EYA4: variants seen among roughly 807,000 people sequenced by gnomAD.
EYA4 encodes the protein protein phosphatase EYA4.
A neutral mutation model predicts 87.9 loss-of-function variants in EYA4; 31 were observed. That is an observed-to-expected ratio of 0.35 (90% CI 0.27 to 0.48). EYA4 has a LOEUF of 0.48. Ranked by LOEUF, EYA4 falls within the 20% of genes least tolerant of loss-of-function variation. The pLI is 0.99. For synonymous variants in EYA4, 263 were observed against 270.6 expected (o/e 0.97, Z 0.28); for missense variants, 678 against 761.4 (o/e 0.89, Z 1.29).
At chr6:133,304,527 A>T (rs1779660702) in intron 2 of EYA4, among the ~76,000 whole-genome samples, 1 of 152,184 alleles carries the variant, frequency 6.6e-6, no homozygotes, top group Admixed American at 6.5e-5. Flanking sequence ...ACAGATAAGG[A>T]TTCTCAAGCT....
intron 13 of EYA4, 89 bp downstream of exon 13, chr6:133,483,204 GTGT>G: frequency 2.0e-6 from 2 of 992,108 alleles, no homozygotes; most frequent in African/African-American, 3.2e-5. Context: ...ATTCTTTTAA[GTGT>G]TTTTTTATTG....
intron 3 of EYA4, among the ~76,000 whole-genome samples, chr6:133,421,736 A>G (rs1486752630): frequency 3.3e-5 from 5 of 152,232 alleles, no homozygotes; most frequent in African/African-American, 1.2e-4. Flanking sequence ...TGTTTTGCCT[A>G]TAAAACCATT....
intron 2 of EYA4, among the ~76,000 whole-genome samples, chr6:133,292,712 T>A (rs1778587348): frequency 6.6e-6 from 1 of 152,222 alleles, no homozygotes; most frequent in Non-Finnish European, 1.5e-5. Context: ...TTTAAAACAT[T>A]AAAGCATCTT....
chr6:133,371,583 ATTTTTT>A (rs1756289813), intron 2 of EYA4, among the ~76,000 whole-genome samples: 2 of 152,208 alleles, frequency 1.3e-5, no homozygotes, highest in Non-Finnish European at 2.9e-5. Context: ...AGAGAGGCCA[ATTTTTT>A]ATCTCTACTT....
At chr6:133,375,606 C>T (rs1192555023) in intron 2 of EYA4, among the ~76,000 whole-genome samples, 1 of 151,530 alleles carries the variant, frequency 6.6e-6, no homozygotes, top group Non-Finnish European at 1.5e-5. Flanking sequence ...TCTAGGGCAG[C>T]CCATTAAACC....
At chr6:133,355,943 T>A (rs1249857153) in intron 2 of EYA4, among the ~76,000 whole-genome samples, 1 of 152,066 alleles carries the variant, frequency 6.6e-6, no homozygotes, top group African/African-American at 2.4e-5. Context: ...CTCACAGGTC[T>A]GGAGATTGGG....
chr6:133,488,600 C>A (rs956345102), intron 13 of EYA4, among the ~76,000 whole-genome samples: 2 of 152,168 alleles, frequency 1.3e-5, no homozygotes, highest in African/African-American at 4.8e-5. Context: ...GAACAAAAGT[C>A]TCTGCCTGGT....
At chr6:133,392,292 A>G (rs901465174) in intron 3 of EYA4, among the ~76,000 whole-genome samples, 14 of 152,036 alleles carry the variant, frequency 9.2e-5, no homozygotes, top group Non-Finnish European at 1.9e-4. Flanking sequence ...AATGCCCTCA[A>G]TTTTGCCAAG....
At chr6:133,481,037 G>T (rs1457652792) in intron 11 of EYA4, among the ~76,000 whole-genome samples, 1 of 151,990 alleles carries the variant, frequency 6.6e-6, no homozygotes, top group African/African-American at 2.4e-5. Flanking sequence ...TGGAAGGGAA[G>T]ATGAGAGAGG....
chr6:133,287,671 T>C (rs1778172248), intron 2 of EYA4, among the ~76,000 whole-genome samples: 1 of 152,184 alleles, frequency 6.6e-6, no homozygotes, highest in South Asian at 2.1e-4. Context: ...CTTTCTAACC[T>C]GGACATAATG....
chr6:133,260,396 C>T (rs1424491342), intron 1 of EYA4, among the ~76,000 whole-genome samples: 3 of 152,138 alleles, frequency 2.0e-5, no homozygotes, highest in Non-Finnish European at 4.4e-5. Flanking sequence ...CACCACCATG[C>T]CCAGCTAACT....
At chr6:133,445,609 C>T (rs1484323999) in intron 3 of EYA4, among the ~76,000 whole-genome samples, 5 of 149,512 alleles carry the variant, frequency 3.3e-5, no homozygotes, top group African/African-American at 7.4e-5. Context: ...AACAGAGTCT[C>T]GCTCTGTCGC....
rs146647404 is a variant in EYA4, at chr6:133,501,387, C to T, written c.1192-4719C>T. Among the ~76,000 whole-genome samples, 185 of 151,938 alleles carry T rather than the reference C, an allele frequency of 1.2e-3. 1 individual carries two copies. Among genetic ancestry groups the T allele is most frequent in the African/African-American group, 4.1e-3 (171 of 41,462 alleles). On this transcript the variant is annotated intron_variant, in intron 13 of 19. Transcript: ENST00000355286. The stretch of plus-strand genomic sequence containing the variant: ...ATCTGCTCTCTGCTTGGAATTTGAA[C>T]GTGTCTAATACATAATTAGTCACTC...
rs1562487211 is a variant in EYA4 at position 133,495,484 on chromosome 6, A to ATACTCATTTATT, written c.1192-10620_1192-10619insCTCATTTATTTA. Among the ~76,000 whole-genome samples, 164 of 42,406 alleles carry ATACTCATTTATT rather than the reference A, an allele frequency of 3.9e-3. 1 individual carries two copies. Among genetic ancestry groups the ATACTCATTTATT allele is most frequent in the South Asian group, 5.4e-3 (13 of 2,388 alleles). The allele number at this position is 42,406 out of a possible 152,430, so 27.8% of individuals were successfully genotyped here. A position where few individuals can be genotyped will look rare whatever the true frequency, so the allele number is the denominator to read the frequency against. On this transcript the variant is annotated intron_variant, in intron 13 of 19. Coordinates refer to ENST00000355286, the MANE Select transcript of EYA4 (RefSeq NM_004100.5). ...TATTTATAAATAAATATAAAGAAAT[A>ATACTCATTTATT]TAGAAGAGAGAGGTAGGCAAGGGCT...
chr6:133,481,633 A>C (rs1221140069), intron 12 of EYA4, 34 bp downstream of exon 12: 1 of 1,608,412 alleles, frequency 6.2e-7, no homozygotes, highest in Non-Finnish European at 8.5e-7. Context: ...TTGTAGTGTG[A>C]TGCTTTATTT....
chr6:133,480,105 G>GGATCAC, intron 11 of EYA4, among the ~76,000 whole-genome samples: 1 of 149,746 alleles, frequency 6.7e-6, no homozygotes, highest in East Asian at 2.3e-4. Flanking sequence ...ATTGTGTGGA[G>GGATCAC]TGAAGACAGT....
intron 3 of EYA4, among the ~76,000 whole-genome samples, chr6:133,423,669 A>G (rs922762944): frequency 1.3e-5 from 2 of 152,212 alleles, no homozygotes; most frequent in Non-Finnish European, 2.9e-5. Context: ...ACAAGCAAGC[A>G]ACCATCAGCC....
chr6:133,405,386 T>C (rs537809918), intron 3 of EYA4, among the ~76,000 whole-genome samples: 3 of 152,302 alleles, frequency 2.0e-5, no homozygotes, highest in African/African-American at 7.2e-5. Context: ...GAATAACATA[T>C]TTATTTTGGT....
intron 2 of EYA4, among the ~76,000 whole-genome samples, chr6:133,355,790 A>G (rs1783971475): frequency 6.6e-6 from 1 of 152,358 alleles, no homozygotes; most frequent in Non-Finnish European, 1.5e-5. Context: ...ATCAATAAAA[A>G]TAAGAGGGCA....
Sources: allele counts gnomAD v4.1 joint callset (sites outside exome capture counted in the v4.1 genomes callset), GRCh38; gene constraint gnomAD v4.1.1; transcripts MANE v1.5; gene names NCBI Gene and HGNC (gene_info 2026-07-23, HGNC 2026-07-21).